The following PEBP4 variants were observed in gnomAD, a reference collection of about 807,000 sequenced individuals.
PEBP4 encodes phosphatidylethanolamine binding protein 4.
Under a neutral mutation model 23.9 loss-of-function variants are expected in PEBP4, and 22 were observed. The ratio of observed to expected loss-of-function variants is 0.92; its 90% CI spans 0.66 to 1.31. PEBP4 has a LOEUF of 1.31. Ranked by LOEUF, PEBP4 falls within the 40% of genes most tolerant of loss-of-function variation. The pLI, the probability that PEBP4 is intolerant of heterozygous loss-of-function variation, is 0.00. For missense variants in PEBP4, 324 were observed against 281.7 expected (o/e 1.15, Z -1.07); for synonymous variants, 112 against 99.3 (o/e 1.13, Z -0.76).
chr8:22,867,396 A>T (rs1294905869), intron 3 of PEBP4, among the ~76,000 whole-genome samples: 2 of 152,124 alleles, frequency 1.3e-5, no homozygotes, highest in Admixed American at 1.3e-4. Flanking sequence ...GCCTGCGAAG[A>T]TGTCGTGTCA....
intron 4 of PEBP4, among the ~76,000 whole-genome samples, chr8:22,778,142 A>T (rs1805850520): frequency 6.6e-6 from 1 of 151,462 alleles, no homozygotes; most frequent in South Asian, 2.1e-4. Flanking sequence ...TTGCCCATCT[A>T]CCCCTGTCTC....
At chr8:22,876,052 A>G (rs1808114826) in intron 3 of PEBP4, among the ~76,000 whole-genome samples, 1 of 152,150 alleles carries the variant, frequency 6.6e-6, no homozygotes, top group East Asian at 1.9e-4. Context: ...CTGGGATTAC[A>G]GGTATGCACC....
intron 4 of PEBP4, among the ~76,000 whole-genome samples, chr8:22,790,674 G>A (rs150225372): frequency 6.6e-6 from 1 of 152,156 alleles, no homozygotes; most frequent in Non-Finnish European, 1.5e-5. Flanking sequence ...CAGTGTTCTA[G>A]TTCCGAATTT....
At chr8:22,878,644 C>T (rs1268595274) in intron 3 of PEBP4, among the ~76,000 whole-genome samples, 3 of 152,144 alleles carry the variant, frequency 2.0e-5, no homozygotes, top group Non-Finnish European at 4.4e-5. Context: ...GATGCTCACT[C>T]GGACTCTGCT....
chr8:22,806,640 A>G (rs1054133062), intron 4 of PEBP4, among the ~76,000 whole-genome samples: 2 of 151,526 alleles, frequency 1.3e-5, no homozygotes, highest in African/African-American at 4.9e-5. Flanking sequence ...AAAAGATATA[A>G]ACAAGGTGAG....
chr8:22,925,132 T>G, intron 2 of PEBP4: 2 of 985,396 alleles, frequency 2.0e-6, no homozygotes, highest in Non-Finnish European at 2.4e-6. Flanking sequence ...TTCATCATCA[T>G]TCATGATGCT....
At chr8:22,864,602 G>T (rs1409346513) in intron 3 of PEBP4, among the ~76,000 whole-genome samples, 2 of 152,158 alleles carry the variant, frequency 1.3e-5, no homozygotes, top group Non-Finnish European at 2.9e-5. Flanking sequence ...AGTAGGAATC[G>T]AAGTGACTCG....
At chr8:22,812,500 C>G (rs556551275) in intron 4 of PEBP4, among the ~76,000 whole-genome samples, 1 of 152,318 alleles carries the variant, frequency 6.6e-6, no homozygotes, top group East Asian at 1.9e-4. Context: ...AGAGCTGAAC[C>G]TACATGTTAG....
At chr8:22,800,327 G>A (rs562094616) in intron 4 of PEBP4, among the ~76,000 whole-genome samples, 4 of 151,836 alleles carry the variant, frequency 2.6e-5, no homozygotes, top group South Asian at 2.1e-4. Flanking sequence ...CCTTGATTCC[G>A]GTCCACACTC....
intron 3 of PEBP4, among the ~76,000 whole-genome samples, chr8:22,844,797 C>T (rs1807395037): frequency 6.6e-6 from 1 of 152,218 alleles, no homozygotes; most frequent in Non-Finnish European, 1.5e-5. Context: ...TGGGATCTGA[C>T]TCTGACTCCC....
At chr8:22,738,467 G>C (rs1804917993) in intron 4 of PEBP4, among the ~76,000 whole-genome samples, 1 of 152,212 alleles carries the variant, frequency 6.6e-6, no homozygotes, top group Non-Finnish European at 1.5e-5. Flanking sequence ...TCGGTGATGG[G>C]AGCAAGGGAA....
intron 6 of PEBP4, among the ~76,000 whole-genome samples, chr8:22,716,324 G>T (rs1804418706): frequency 6.6e-6 from 1 of 152,212 alleles, no homozygotes. Context: ...GTGCTGATAG[G>T]AAAGATGTTA....
chr8:22,912,533 G>A (rs7015475), intron 3 of PEBP4, among the ~76,000 whole-genome samples: 2,966 of 152,298 alleles, frequency 0.019, 45 homozygotes, highest in South Asian at 0.046. Context: ...GCTGCCATCC[G>A]GGGCTGGTTC....
In PEBP4 at chr8:22,865,675, C is replaced by G. The variant is rs1223226303; in HGVS notation, c.259-47940G>C. ...CGGGAGGAGGAGGCAAAGGAAGACTCCGTTCCAGCCACCTCCCGCCGCCCG... is the reference window on the plus strand; with the variant it reads ...CGGGAGGAGGAGGCAAAGGAAGACTGCGTTCCAGCCACCTCCCGCCGCCCG... On this transcript the variant is annotated intron_variant, in intron 3 of 6. Transcript: ENST00000256404. This position sits in a 1 kb window ranked among gnomAD's most constrained non-coding sequence, Gnocchi z 6.9. Among the ~76,000 whole-genome samples the G allele has an allele frequency of 6.6e-6, 1 of 152,108 alleles. No individual in the cohort carries two copies.
At chr8:22,802,695 A>G (rs1053684077) in intron 4 of PEBP4, among the ~76,000 whole-genome samples, 16 of 152,356 alleles carry the variant, frequency 1.1e-4, no homozygotes, top group African/African-American at 3.8e-4. Flanking sequence ...CGGTGTTCCA[A>G]GACGCTTTGT....
chr8:22,847,044 GTCC>G (rs1218618562), intron 3 of PEBP4, among the ~76,000 whole-genome samples: 1 of 152,096 alleles, frequency 6.6e-6, no homozygotes, highest in Non-Finnish European at 1.5e-5. Context: ...TGGTAAATTG[GTCC>G]TCAAGAGAAA....
intron 1 of PEBP4, among the ~76,000 whole-genome samples, chr8:22,939,654 A>C (rs905150039): frequency 6.6e-6 from 1 of 151,678 alleles, no homozygotes; most frequent in African/African-American, 2.4e-5. Context: ...ACCAAGCAGA[A>C]GGCAGAGGAA....
chr8:22,740,713 C>G (rs1477678532), intron 4 of PEBP4, among the ~76,000 whole-genome samples: 2 of 152,194 alleles, frequency 1.3e-5, no homozygotes, highest in South Asian at 2.1e-4. Flanking sequence ...CACCCTTCCC[C>G]CTGTGGCCCC....
intron 4 of PEBP4, among the ~76,000 whole-genome samples, chr8:22,765,559 C>T (rs1209216338): frequency 6.6e-6 from 1 of 152,230 alleles, no homozygotes; most frequent in East Asian, 1.9e-4. Context: ...GTTCTCTCAT[C>T]CTTCCCATCA....
Sources: allele counts gnomAD v4.1 joint callset (sites outside exome capture counted in the v4.1 genomes callset), GRCh38; gene constraint gnomAD v4.1.1; non-coding constraint Gnocchi (gnomAD v3.1); transcripts MANE v1.5; gene names NCBI Gene and HGNC (gene_info 2026-07-23, HGNC 2026-07-21).